Variants in ADGRL2 observed in about 807,000 individuals in gnomAD.
ADGRL2 encodes the protein adhesion G protein-coupled receptor L2, also known as calcium-independent alpha-latrotoxin receptor 2.
In ADGRL2, 44 loss-of-function variants were observed where a neutral mutation model predicts 157.4. That is an observed-to-expected ratio of 0.28 (90% CI 0.22 to 0.36). The LOEUF is 0.36. ADGRL2 is among the 10% of genes least tolerant of loss of function. The pLI is 1.00. For missense variants in ADGRL2, 1,510 were observed against 1,768.9 expected (o/e 0.85, Z 2.63); for synonymous variants, 585 against 624.7 (o/e 0.94, Z 0.95).
intron 1 of ADGRL2, among the ~76,000 whole-genome samples, chr1:81,412,353 A>G (rs949708354): frequency 1.3e-5 from 2 of 152,216 alleles, no homozygotes; most frequent in Non-Finnish European, 2.9e-5. Flanking sequence ...GTGAATATAA[A>G]TGAATACCAA....
intron 2 of ADGRL2, chr1:81,503,522 T>C (rs1284700206): frequency 1.1e-5 from 18 of 1,583,592 alleles, no homozygotes; most frequent in African/African-American, 5.4e-5. Context: ...GTGAAGGAAG[T>C]TGATGCACAG....
intron 3 of ADGRL2, among the ~76,000 whole-genome samples, chr1:81,668,414 C>CAA (rs67441939): frequency 3.2e-5 from 4 of 126,172 alleles, no homozygotes; most frequent in South Asian, 2.6e-4. Flanking sequence ...GTAACACTGT[C>CAA]AAAAAAAAAA....
chr1:81,417,855 A>G (rs1557674008), intron 1 of ADGRL2, among the ~76,000 whole-genome samples: 1 of 152,184 alleles, frequency 6.6e-6, no homozygotes, highest in Non-Finnish European at 1.5e-5. Context: ...CTGCATTAGG[A>G]GATTTCAGCT....
In ADGRL2 at chr1:81,313,515, A is replaced by G. The variant is rs1659894939; in HGVS notation, c.-302+7006A>G. On this transcript the variant is annotated intron_variant, in intron 1 of 24. Coordinates refer to the ADGRL2 transcript ENST00000370721. ...CTGTCTGCTCTTAGCCACTCGGGTG[A>G]TAGGTGCTAATTCAGAGCTTGCTGA... 6.6e-5 allele frequency among the ~76,000 whole-genome samples: 10 copies of G among 152,296 alleles called. 1 individual carries two copies. In the South Asian group the frequency reaches 2.1e-3, roughly 32 times the overall value.
chr1:81,810,896 T>C (rs2089787813), intron 1 of ADGRL2, among the ~76,000 whole-genome samples: 1 of 152,004 alleles, frequency 6.6e-6, no homozygotes, highest in South Asian at 2.1e-4. Flanking sequence ...CATATAACTT[T>C]TTTGCGCTTT....
chr1:81,388,453 T>TC (rs397801406), intron 1 of ADGRL2, among the ~76,000 whole-genome samples: 2 of 149,536 alleles, frequency 1.3e-5, no homozygotes, highest in Middle Eastern at 3.4e-3. Flanking sequence ...TCATTTTTTC[T>TC]TTTTCTCTCT....
chr1:81,842,338 T>G (rs2092618300), intron 2 of ADGRL2, among the ~76,000 whole-genome samples: 1 of 149,022 alleles, frequency 6.7e-6, no homozygotes, highest in Non-Finnish European at 1.5e-5. Flanking sequence ...AAAGGATTTT[T>G]TTTTTCTTTT....
At chr1:81,783,568 C>G (rs2149389379) in intron 2 of ADGRL2, among the ~76,000 whole-genome samples, 1 of 152,152 alleles carries the variant, frequency 6.6e-6, no homozygotes, top group East Asian at 1.9e-4. Flanking sequence ...AAATAATTAA[C>G]TCTATAAACA....
chr1:81,474,331 T>G (rs2078230366), intron 2 of ADGRL2, among the ~76,000 whole-genome samples: 2 of 152,210 alleles, frequency 1.3e-5, no homozygotes, highest in Non-Finnish European at 2.9e-5. Context: ...ATCTTTTGTG[T>G]TGTTTTGTTT....
chr1:81,680,659 A>G (rs2083093290), intron 3 of ADGRL2, among the ~76,000 whole-genome samples: 1 of 152,040 alleles, frequency 6.6e-6, no homozygotes, highest in Non-Finnish European at 1.5e-5. Context: ...TCTAACAGAA[A>G]TTGACTTTGC....
chr1:81,510,268 G>A (rs2079051794), intron 2 of ADGRL2, among the ~76,000 whole-genome samples: 1 of 152,076 alleles, frequency 6.6e-6, no homozygotes, highest in African/African-American at 2.4e-5. Flanking sequence ...TATTTATCAG[G>A]TGCATATCCT....
chr1:81,500,631 GTTA>G (rs1423401173), intron 2 of ADGRL2, among the ~76,000 whole-genome samples: 1 of 152,058 alleles, frequency 6.6e-6, no homozygotes, highest in African/African-American at 2.4e-5. Flanking sequence ...TATAAAAGAG[GTTA>G]CCAGGGACTG....
At chr1:81,841,422 G>A (rs2092574200) in intron 2 of ADGRL2, among the ~76,000 whole-genome samples, 1 of 151,916 alleles carries the variant, frequency 6.6e-6, no homozygotes, top group South Asian at 2.1e-4. Flanking sequence ...TATTTGGGTA[G>A]AAGAAAAAAA....
chr1:81,610,027 GTGTGGCCTTTCAC>G (rs1354842035), intron 3 of ADGRL2, among the ~76,000 whole-genome samples: 1 of 152,198 alleles, frequency 6.6e-6, no homozygotes, highest in Admixed American at 6.5e-5. Context: ...CTCCTCTGGA[GTGTGGCCTTTCAC>G]TGTCAGCTAA....
intron 18 of ADGRL2, chr1:81,980,872 G>T: frequency 1.6e-6 from 1 of 639,408 alleles, no homozygotes; most frequent in Non-Finnish European, 2.9e-6. Flanking sequence ...CAAATTTATG[G>T]CATGATTTGT....
intron 3 of ADGRL2, among the ~76,000 whole-genome samples, chr1:81,583,774 T>A (rs978155888): frequency 3.3e-5 from 5 of 152,192 alleles, no homozygotes; most frequent in African/African-American, 1.2e-4. Context: ...CTTACCCTAT[T>A]GTAAAGTAAG....
chr1:81,903,812 T>TATACAC lies in ADGRL2; in HGVS notation c.74-3204_74-3203insTACACA, dbSNP rs1257119908. On this transcript the variant is annotated intron_variant, in intron 2 of 23. Coordinates refer to ENST00000686636, the MANE Select transcript of ADGRL2 (RefSeq NM_001366006.2). ...ATTATATATATATACACATTTTATA[T>TATACAC]ACACACACACACACACACACACACA... Among the ~76,000 whole-genome samples the TATACAC allele has an allele frequency of 2.2e-3, 269 of 120,508 alleles. 1 individual carries two copies. The highest frequency in any genetic ancestry group is 7.9e-3 in the Middle Eastern group (2 of 254). 79.1% of individuals were successfully genotyped at this position (120,508 alleles called of 152,430 possible).
At chr1:81,648,430 C>T (rs562275915) in intron 3 of ADGRL2, among the ~76,000 whole-genome samples, 2 of 152,324 alleles carry the variant, frequency 1.3e-5, no homozygotes, top group Admixed American at 6.5e-5. Flanking sequence ...CAGCTCTTCA[C>T]CACTGAGTGC....
rs560110252 is a variant in ADGRL2 at position 81,448,931 on chromosome 1, AC to A, written c.-248+3846del. 5.6e-3 allele frequency among the ~76,000 whole-genome samples: 854 copies of A among 152,324 alleles called. 4 individuals carry two copies. The highest frequency in any genetic ancestry group is 8.7e-3 in the Non-Finnish European group (590 of 68,034). ...AAATATAAAAAGAAGATAAAGTGTG[AC>A]CCCTATACTTTACAGTTTATTTATA... On this transcript the variant is annotated intron_variant, in intron 2 of 24. Transcript: ENST00000370721.
Sources: gnomAD v4.1 joint callset for allele counts (sites outside exome capture counted in the v4.1 genomes callset) on GRCh38, gnomAD v4.1.1 for gene constraint, MANE v1.5 for transcripts, NCBI Gene and HGNC (gene_info 2026-07-23, HGNC 2026-07-21) for gene names.